LIMCH1: variants seen among roughly 807,000 people sequenced by gnomAD.
LIMCH1 encodes the protein LIM and calponin homology domains-containing protein 1.
In LIMCH1, 113 loss-of-function variants were observed where a neutral mutation model predicts 176.5. The ratio of observed to expected loss-of-function variants is 0.64; its 90% CI spans 0.55 to 0.75. LIMCH1 has a LOEUF of 0.75. Ranked by LOEUF, LIMCH1 falls within the 30% of genes least tolerant of loss-of-function variation. The pLI is 0.00. For synonymous variants in LIMCH1, 619 were observed against 645.9 expected (o/e 0.96, Z 0.63); for missense variants, 1,674 against 1,814.9 (o/e 0.92, Z 1.41).
chr4:41,391,422 A>G lies in LIMCH1; in HGVS notation c.96+30486A>G, dbSNP rs140792581. 3.7e-3 allele frequency among the ~76,000 whole-genome samples: 557 copies of G among 152,348 alleles called. 1 individual carries two copies. The highest frequency in any genetic ancestry group is 6.8e-3 in the Middle Eastern group (2 of 294). ...AGAAATTAGGTTCTAACGTCAGCACATAGAACAAACATTGTGTGTAGTTAA... is the reference window on the plus strand; with the variant it reads ...AGAAATTAGGTTCTAACGTCAGCACGTAGAACAAACATTGTGTGTAGTTAA... On this transcript the variant is annotated intron_variant, in intron 1 of 26. Coordinates refer to the LIMCH1 transcript ENST00000313860.
rs756785706 is a variant in LIMCH1 at position 41,646,816 on chromosome 4, C to T, written c.2743C>T (p.Pro915Ser). 2 of 1,614,148 alleles carry T rather than the reference C, an allele frequency of 1.2e-6. No homozygotes were observed. Among genetic ancestry groups the T allele is most frequent in the East Asian group, 2.2e-5 (1 of 44,888 alleles). Residue 915 changes from proline (P) to serine (S), a missense_variant, in exon 17 of 32, where the codon CCC becomes TCC. Pro to Ser is a moderately conservative substitution (Grantham distance 74). Coordinates refer to ENST00000503057, the MANE Select transcript of LIMCH1 (RefSeq NM_001330672.2). ...TGGGTCTCCAAGCAAAACTGTCACTCCCAAAGCAGTGCCTATGCTGACACC... is the reference window on the plus strand; with the variant it reads ...TGGGTCTCCAAGCAAAACTGTCACTTCCAAAGCAGTGCCTATGCTGACACC... ...GSGSPSKTVT[P>S]KAVPMLTPKP... is the part of the protein sequence containing the mutation.
chr4:41,652,105 C>T (rs2094321270), intron 18 of LIMCH1, among the ~76,000 whole-genome samples: 1 of 152,118 alleles, frequency 6.6e-6, no homozygotes, highest in South Asian at 2.1e-4. Context: ...TCCCCCAGGA[C>T]CTAGAAAGGT....
At position 41,646,191 on chromosome 4, in the gene LIMCH1, GA is replaced by G. The variant is rs1219467971; in HGVS notation, c.2329del (p.Met777TrpfsTer89). ...ACTTAATCAAGAAAGAGGAAGAAAG[GA>G]AAAAAATGGAGAAGTTACTGGCTGG... ...QDLIKKEEER[K>X]KMEKLLAGED... is the part of the protein sequence containing the mutation. On this transcript the variant is annotated frameshift_variant, in exon 16 of 32. Transcript: ENST00000503057. LOFTEE classifies it high-confidence loss of function. 1 of 1,613,542 alleles carries G rather than the reference GA, an allele frequency of 6.2e-7. No homozygotes were observed. Among genetic ancestry groups the G allele is most frequent in the Non-Finnish European group, 8.5e-7 (1 of 1,179,768 alleles).
At chr4:41,627,333 A>G (rs2093033469) in intron 8 of LIMCH1, among the ~76,000 whole-genome samples, 1 of 152,172 alleles carries the variant, frequency 6.6e-6, no homozygotes. Context: ...TGGTGTCATC[A>G]GTTGGCATTA....
intron 1 of LIMCH1, among the ~76,000 whole-genome samples, chr4:41,429,613 G>A (rs887699919): frequency 2.0e-5 from 3 of 152,270 alleles, no homozygotes; most frequent in East Asian, 1.9e-4. Context: ...GGTGAGGTCC[G>A]CAGAAGTGGT....
At chr4:41,611,923 C>A (rs913645599) in intron 4 of LIMCH1, among the ~76,000 whole-genome samples, 6 of 152,146 alleles carry the variant, frequency 3.9e-5, no homozygotes, top group African/African-American at 1.2e-4. Flanking sequence ...GTTAGTCAGG[C>A]CTGGCTTTTG....
At chr4:41,384,498 G>A (rs1016850353) in intron 1 of LIMCH1, among the ~76,000 whole-genome samples, 7 of 152,038 alleles carry the variant, frequency 4.6e-5, no homozygotes, top group Admixed American at 3.9e-4. Flanking sequence ...GTGAGCCACC[G>A]CGCCCGGCCT....
chr4:41,633,186 G>A, intron 12 of LIMCH1, 101 bp downstream of exon 12: 2 of 797,374 alleles, frequency 2.5e-6, no homozygotes, highest in Non-Finnish European at 4.0e-6. Flanking sequence ...TCTGCACCTG[G>A]CGACTGATAG....
chr4:41,514,962 A>G (rs1158231162), intron 2 of LIMCH1, among the ~76,000 whole-genome samples: 1 of 152,138 alleles, frequency 6.6e-6, no homozygotes, highest in East Asian at 1.9e-4. Flanking sequence ...TGTCAGCCCC[A>G]CTGTTGAACC....
At chr4:41,372,750 G>A (rs770952952) in intron 1 of LIMCH1, among the ~76,000 whole-genome samples, 25 of 152,222 alleles carry the variant, frequency 1.6e-4, no homozygotes, top group Middle Eastern at 3.4e-3. Context: ...GAGATTTTGT[G>A]CCTGGGTACT....
intron 1 of LIMCH1, among the ~76,000 whole-genome samples, chr4:41,554,036 C>A (rs961333252): frequency 1.3e-5 from 2 of 152,156 alleles, no homozygotes; most frequent in Non-Finnish European, 2.9e-5. Context: ...TTCACTGAAG[C>A]CTGTTCTTTT....
chr4:41,460,270 C>G (rs921173856), intron 1 of LIMCH1, among the ~76,000 whole-genome samples: 1 of 151,858 alleles, frequency 6.6e-6, no homozygotes, highest in Non-Finnish European at 1.5e-5. Flanking sequence ...ATTACAAATA[C>G]TCAATATTCA....
At chr4:41,550,922 G>A (rs534341280) in intron 1 of LIMCH1, among the ~76,000 whole-genome samples, 39 of 152,188 alleles carry the variant, frequency 2.6e-4, no homozygotes, top group African/African-American at 5.5e-4. Flanking sequence ...CTGAGTTTCC[G>A]GGCAGCCACA....
At chr4:41,690,108 G>T (rs1724292723) in intron 30 of LIMCH1, among the ~76,000 whole-genome samples, 1 of 152,154 alleles carries the variant, frequency 6.6e-6, no homozygotes, top group Non-Finnish European at 1.5e-5. Flanking sequence ...TGTAATCTTA[G>T]ATTAAATATC....
intron 1 of LIMCH1, among the ~76,000 whole-genome samples, chr4:41,419,628 TTCCTTCCTCCTTCCTTTCTTCC>T (rs2060341212): frequency 1.0e-5 from 1 of 97,012 alleles, no homozygotes. Context: ...CCTTCCTTCC[TTCCTTCCTCCTTCCTTTCTTCC>T]TCCTTCCTTC....
chr4:41,671,397 A>AACACACACACACACACACAC (rs141018823), intron 21 of LIMCH1, among the ~76,000 whole-genome samples, 157 bp from the exon 22 acceptor site: 1 of 137,484 alleles, frequency 7.3e-6, no homozygotes, highest in Non-Finnish European at 1.6e-5. Flanking sequence ...TGACTTACCA[A>AACACACACACACACACACAC]ACACACACAC....
chr4:41,391,027 C>CT (rs975776377), intron 1 of LIMCH1, among the ~76,000 whole-genome samples: 2 of 151,928 alleles, frequency 1.3e-5, no homozygotes, highest in South Asian at 2.1e-4. Flanking sequence ...TTGCCACACA[C>CT]TTTTTTTTCT....
chr4:41,398,590 G>T (rs551978414), intron 1 of LIMCH1, among the ~76,000 whole-genome samples: 2 of 152,132 alleles, frequency 1.3e-5, no homozygotes, highest in Non-Finnish European at 2.9e-5. Flanking sequence ...CGAACAGTGC[G>T]TGTCTTTTTT....
At chr4:41,396,860 A>G (rs1312309774) in intron 1 of LIMCH1, among the ~76,000 whole-genome samples, 1 of 152,086 alleles carries the variant, frequency 6.6e-6, no homozygotes, top group African/African-American at 2.4e-5. Context: ...AAGTGGTGCC[A>G]CTGCGCTTCA....
Sources: gnomAD v4.1 joint callset for allele counts (sites outside exome capture counted in the v4.1 genomes callset) on GRCh38, gnomAD v4.1.1 for gene constraint, MANE v1.5 for transcripts, NCBI Gene and HGNC (gene_info 2026-07-23, HGNC 2026-07-21) for gene names.